MMP14: variants seen among roughly 807,000 people sequenced by gnomAD.
The protein encoded by MMP14 is matrix metalloproteinase-14.
Under a neutral mutation model 64.8 loss-of-function variants are expected in MMP14, and 13 were observed. The ratio of observed to expected loss-of-function variants is 0.20; its 90% CI spans 0.13 to 0.32. The LOEUF (loss-of-function observed/expected upper bound fraction) is 0.32. MMP14 is among the 10% of genes least tolerant of loss of function. The probability of loss-of-function intolerance (pLI) is 1.00; values close to 1 mark genes in which losing one functional copy is unlikely to be tolerated. For synonymous variants in MMP14, 322 were observed against 315.9 expected (o/e 1.02, Z -0.20); for missense variants, 594 against 783.8 (o/e 0.76, Z 2.89).
chr14:22,846,188 T>C lies in MMP14; in HGVS notation c.*149T>C. 1.3e-6 allele frequency: 1 copy of C among 750,532 alleles called. No homozygotes were observed. Among genetic ancestry groups the C allele is most frequent in the Non-Finnish European group, 2.1e-6 (1 of 479,070 alleles). The allele number at this position is 750,532 out of a possible 1,614,324, so 46.5% of individuals were successfully genotyped here. A position where few individuals can be genotyped will look rare whatever the true frequency, so the allele number is the denominator to read the frequency against. The stretch of plus-strand genomic sequence containing the variant: ...CTCTCTGTCCCCTGGCTGGCCTCCT[T>C]CACCCTGACCGCCTCCCTCCCTCCT... On this transcript the variant is annotated 3_prime_UTR_variant, in exon 10 of 10. Transcript: ENST00000311852.
chr14:22,845,221 C>T (rs192764001), intron 8 of MMP14, 30 bp from the exon 9 acceptor site: 134 of 1,551,406 alleles, frequency 8.6e-5, no homozygotes, highest in East Asian at 4.0e-4. Flanking sequence ...GCCCAGTGTC[C>T]GCCACTGCCC....
chr14:22,837,141 G>A, intron 1 of MMP14: 2 of 685,882 alleles, frequency 2.9e-6, no homozygotes, highest in South Asian at 1.5e-5. Context: ...CCCACCCCCT[G>A]CGCCGCCGAC....
Position 22,846,214 on chromosome 14 carries a change from GC to G in MMP14, c.*179del. ...CACCCTGACCGCCTCCCTCCCTCCT[GC>G]CCCGGCATTGCATCTTCCCTAGATA... On this transcript the variant is annotated 3_prime_UTR_variant, in exon 10 of 10. Coordinates refer to ENST00000311852, the MANE Select transcript of MMP14 (RefSeq NM_004995.4). The G allele has an allele frequency of 1.6e-6, 1 of 636,426 alleles. No individual in the cohort carries two copies. The highest frequency in any genetic ancestry group is 2.1e-5 in the South Asian group (1 of 47,294). 39.4% of individuals were successfully genotyped at this position (636,426 alleles called of 1,614,324 possible). A position where few individuals can be genotyped will look rare whatever the true frequency, so the allele number is the denominator to read the frequency against.
chr14:22,845,926 GTGC>G lies in MMP14; in HGVS notation c.1647_1649del (p.Leu551del), dbSNP rs749292783. ...GAGCGCGGCTGCCGTGGTGCTGCCCGTGCTGCTGCTGCTCCTGGTGCTGGCGGT... is the reference window on the plus strand; with the variant it reads ...GAGCGCGGCTGCCGTGGTGCTGCCCGTGCTGCTGCTCCTGGTGCTGGCGGT... On this transcript the variant is annotated inframe_deletion, in exon 10 of 10. Coordinates refer to ENST00000311852, the MANE Select transcript of MMP14 (RefSeq NM_004995.4). 1 of 1,604,464 alleles carries G rather than the reference GTGC, an allele frequency of 6.2e-7. No individual in the cohort carries two copies. Among genetic ancestry groups the G allele is most frequent in the South Asian group, 1.1e-5 (1 of 90,348 alleles).
At position 22,845,866 on chromosome 14, in the gene MMP14, A is replaced by G. The variant is rs1329296247; in HGVS notation, c.1576A>G (p.Ile526Val). 1 of 1,614,122 alleles carries G rather than the reference A, an allele frequency of 6.2e-7. No individual in the cohort carries two copies. The highest frequency in any genetic ancestry group is 1.7e-5 in the Admixed American group (1 of 60,022). The change falls in exon 10 of 10, where the codon ATC becomes GTC. Residue 526 changes from isoleucine to valine, a missense_variant. Transcript: ENST00000311852. ...EGTEEETEVI[I>V]IEVDEEGGGA... Reference sequence around the variant, plus strand: ...GACTGAGGAGGAGACGGAGGTGATCATCATTGAGGTGGACGAGGAGGGCGG... The same window carrying G: ...GACTGAGGAGGAGACGGAGGTGATCGTCATTGAGGTGGACGAGGAGGGCGG...
At position 22,843,811 on chromosome 14, in the gene MMP14, A is replaced by G; in HGVS notation, c.952A>G (p.Ile318Val). 2 of 1,613,634 alleles carry G rather than the reference A, an allele frequency of 1.2e-6. No homozygotes were observed. Among genetic ancestry groups the G allele is most frequent in the Non-Finnish European group, 8.5e-7 (1 of 1,179,900 alleles). Residue 318 changes from isoleucine (I) to valine (V), a missense_variant, in exon 6 of 10, where the codon ATC becomes GTC. By Grantham distance (29) the Ile-to-Val change is conservative. Coordinates refer to ENST00000311852, the MANE Select transcript of MMP14 (RefSeq NM_004995.4). This position sits in a 1 kb window ranked among gnomAD's most constrained non-coding sequence, Gnocchi z 4.8. Reference sequence around the variant, plus strand: ...CAAAAACCCCACCTATGGGCCCAACATCTGTGACGGGAACTTTGACACCGT... The same window carrying G: ...CAAAAACCCCACCTATGGGCCCAACGTCTGTGACGGGAACTTTGACACCGT... ...KPKNPTYGPN[I>V]CDGNFDTVAM...
Position 22,842,234 on chromosome 14 carries a change from G to A in MMP14, c.381-176G>A. 2 of 998,976 alleles carry A rather than the reference G, an allele frequency of 2.0e-6. No homozygotes were observed. Among genetic ancestry groups the A allele is most frequent in the Non-Finnish European group, 2.9e-6 (2 of 685,282 alleles). 61.9% of individuals were successfully genotyped at this position (998,976 alleles called of 1,614,324 possible). A position where few individuals can be genotyped will look rare whatever the true frequency, so the allele number is the denominator to read the frequency against. ...TGCACCCCAGTGCCAGAGAGCCAGAGCCTGAGGATCCCTTGTTCTTGAGAC... is the reference window on the plus strand; with the variant it reads ...TGCACCCCAGTGCCAGAGAGCCAGAACCTGAGGATCCCTTGTTCTTGAGAC... On this transcript the variant is annotated intron_variant, in intron 3 of 9. Transcript: ENST00000311852. The surrounding 1 kb of genome is among the most constrained non-coding windows in gnomAD (Gnocchi z 5.3).
At chr14:22,837,020 T>C in intron 1 of MMP14, 95 bp downstream of exon 1, 1 of 908,064 alleles carries the variant, frequency 1.1e-6, no homozygotes, top group Non-Finnish European at 1.8e-6. Flanking sequence ...AGAGGAGGGC[T>C]TTTGGGATCT....
chr14:22,844,878 G>A, intron 8 of MMP14, 98 bp downstream of exon 8: 1 of 1,511,516 alleles, frequency 6.6e-7, no homozygotes, highest in Non-Finnish European at 9.1e-7. Context: ...CCCCCAACAT[G>A]CTTCCCTGGA....
intron 1 of MMP14, chr14:22,837,367 G>C (rs1453794606): frequency 4.4e-6 from 2 of 456,668 alleles, no homozygotes; most frequent in Admixed American, 2.3e-5. Context: ...CTCTCCCGCC[G>C]GCGCGCCCTC....
rs1176349249 is a variant in MMP14 at position 22,845,344 on chromosome 14, G to T, written c.1395G>T (p.Gly465=). ...VWEGIPESPR[G]SFMGSDEVFT... Reference sequence around the variant, plus strand: ...AAGGGATCCCTGAGTCTCCCAGAGGGTCATTCATGGGCAGCGATGAAGGTG... The same window carrying T: ...AAGGGATCCCTGAGTCTCCCAGAGGTTCATTCATGGGCAGCGATGAAGGTG... The change falls in exon 9 of 10, where the codon GGG becomes GGT. Residue 465 remains glycine (G), a synonymous_variant. Coordinates refer to ENST00000311852, the MANE Select transcript of MMP14 (RefSeq NM_004995.4). The T allele has an allele frequency of 3.1e-6, 5 of 1,611,034 alleles. No homozygotes were observed. The highest frequency in any genetic ancestry group is 1.3e-5 in the African/African-American group (1 of 74,890).
At chr14:22,838,804 T>C (rs1036638183) in intron 1 of MMP14, among the ~76,000 whole-genome samples, 2 of 152,144 alleles carry the variant, frequency 1.3e-5, no homozygotes, top group Admixed American at 1.3e-4. Flanking sequence ...TCCTCTCTTC[T>C]GTGGTTTCGA....
At position 22,841,484 on chromosome 14, in the gene MMP14, C is replaced by A; in HGVS notation, c.109-7C>A. ...GGACACTCTAAGCCATACCCCTTTC[C>A]CTACAGGCCTGGCTACAGCAATATG... On this transcript the variant is annotated splice_polypyrimidine_tract_variant and splice_region_variant and intron_variant, in intron 1 of 9. Transcript: ENST00000311852. 1 of 1,613,318 alleles carries A rather than the reference C, an allele frequency of 6.2e-7. No homozygotes were observed. Among genetic ancestry groups the A allele is most frequent in the Non-Finnish European group, 8.5e-7 (1 of 1,179,920 alleles).
In MMP14 at chr14:22,843,850, G is replaced by A. The variant is rs2039791596; in HGVS notation, c.991G>A (p.Gly331Arg). 6.2e-7 allele frequency: 1 copy of A among 1,611,576 alleles called. No individual in the cohort carries two copies. Among genetic ancestry groups the A allele is most frequent in the African/African-American group, 1.3e-5 (1 of 74,684 alleles). The change falls in exon 6 of 10, where the codon GGG (glycine) becomes AGG (arginine). Residue 331 changes from glycine (G) to arginine (R), a missense_variant. By Grantham distance (125) the Gly-to-Arg change is moderately radical. Coordinates refer to ENST00000311852, the MANE Select transcript of MMP14 (RefSeq NM_004995.4). This position sits in a 1 kb window ranked among gnomAD's most constrained non-coding sequence, Gnocchi z 4.8. Reference protein sequence around the residue: ...GNFDTVAMLRGEMFVFKERWF... With the variant: ...GNFDTVAMLRREMFVFKERWF... ...CTTTGACACCGTGGCCATGCTCCGAGGGGAGATGTTTGTCTTCAAGGTGAG... is the reference window on the plus strand; with the variant it reads ...CTTTGACACCGTGGCCATGCTCCGAAGGGAGATGTTTGTCTTCAAGGTGAG...
chr14:22,844,616 C>T lies in MMP14; in HGVS notation c.1151-14C>T, dbSNP rs1219813278. ...CTAAGTTGAACCCAGACGTTGCCCTCCTGTCCTCCCCAGGAGACAAGCATT... is the reference window on the plus strand; with the variant it reads ...CTAAGTTGAACCCAGACGTTGCCCTTCTGTCCTCCCCAGGAGACAAGCATT... On this transcript the variant is annotated splice_polypyrimidine_tract_variant and intron_variant, in intron 7 of 9. Coordinates refer to ENST00000311852, the MANE Select transcript of MMP14 (RefSeq NM_004995.4). 5 of 1,614,116 alleles carry T rather than the reference C, an allele frequency of 3.1e-6. No homozygotes were observed. The highest frequency in any genetic ancestry group is 4.2e-6 in the Non-Finnish European group (5 of 1,180,000).
chr14:22,843,387 T>C lies in MMP14; in HGVS notation c.819T>C (p.Asp273=). ...WMDTENFVLP[D]DDRRGIQQLY... ...ACACGGAGAATTTTGTGCTGCCCGA[T>C]GATGACCGCCGGGGCATCCAGCAAC... The change falls in exon 5 of 10, where the codon GAT becomes GAC. Residue 273 remains aspartate, a synonymous_variant. Coordinates refer to ENST00000311852, the MANE Select transcript of MMP14 (RefSeq NM_004995.4). This position sits in a 1 kb window ranked among gnomAD's most constrained non-coding sequence, Gnocchi z 4.8. The C allele has an allele frequency of 6.2e-7, 1 of 1,614,008 alleles. No individual in the cohort carries two copies. Among genetic ancestry groups the C allele is most frequent in the Non-Finnish European group, 8.5e-7 (1 of 1,180,002 alleles).
intron 1 of MMP14, among the ~76,000 whole-genome samples, chr14:22,840,759 C>G (rs2039767458): frequency 6.6e-6 from 1 of 152,194 alleles, no homozygotes; most frequent in Non-Finnish European, 1.5e-5. Context: ...ATCAGCCTGC[C>G]TCGGCCTCCC....
At chr14:22,838,250 G>C (rs1447455017) in intron 1 of MMP14, among the ~76,000 whole-genome samples, 1 of 152,162 alleles carries the variant, frequency 6.6e-6, no homozygotes, top group Non-Finnish European at 1.5e-5. Flanking sequence ...GAAAGGGAGC[G>C]CCCCTAACAA....
chr14:22,836,884 G>T lies in MMP14; in HGVS notation c.67G>T (p.Ala23Ser). 1.2e-6 allele frequency: 2 copies of T among 1,613,680 alleles called. No homozygotes were observed. The highest frequency in any genetic ancestry group is 1.7e-6 in the Non-Finnish European group (2 of 1,179,794). The change falls in exon 1 of 10, where the codon GCC becomes TCC. Residue 23 changes from alanine (A) to serine (S), a missense_variant. Physicochemically the swap from Ala to Ser is moderately conservative, Grantham distance 99. Coordinates refer to ENST00000311852, the MANE Select transcript of MMP14 (RefSeq NM_004995.4). ...CCTGCTCACGCTCGGCACCGCGCTC[G>T]CCTCCCTCGGCTCGGCCCAAAGCAG... ...LPLLTLGTAL[A>S]SLGSAQSSSF...
Sources: gnomAD v4.1 joint callset for allele counts (sites outside exome capture counted in the v4.1 genomes callset) on GRCh38, gnomAD v4.1.1 for gene constraint, Gnocchi (gnomAD v3.1) non-coding constraint, MANE v1.5 for transcripts, NCBI Gene and HGNC (gene_info 2026-07-23, HGNC 2026-07-21) for gene names.